Variants in SLC35A3 observed in about 807,000 individuals in gnomAD.
SLC35A3 encodes the protein solute carrier family 35 member A3, also known as UDP-N-acetylglucosamine transporter.
A neutral mutation model predicts 39.0 loss-of-function variants in SLC35A3; 26 were observed. The ratio of observed to expected loss-of-function variants is 0.67; its 90% CI spans 0.49 to 0.92. The LOEUF is 0.92. Ranked by LOEUF, SLC35A3 falls within the 40% of genes least tolerant of loss-of-function variation. The pLI is 0.00. For synonymous variants in SLC35A3, 135 were observed against 133.1 expected (o/e 1.01, Z -0.10); for missense variants, 299 against 371.6 (o/e 0.80, Z 1.61).
At chr1:99,977,384 A>T (rs1156596576) in intron 1 of SLC35A3, among the ~76,000 whole-genome samples, 2 of 150,392 alleles carry the variant, frequency 1.3e-5, no homozygotes, top group African/African-American at 2.4e-5. Context: ...AAAAAAAAAA[A>T]TTAGCTGGGC....
chr1:100,008,716 C>G (rs1659411515), intron 4 of SLC35A3: 1 of 152,208 alleles, frequency 6.6e-6, no homozygotes, highest in African/African-American at 2.4e-5. Context: ...TAAAGTCTGC[C>G]TCTACCAGAA....
chr1:100,015,157 CAAA>C (rs760381564), intron 5 of SLC35A3, 142 bp from the exon 6 acceptor site: 6,398 of 448,354 alleles, frequency 0.014, no homozygotes, highest in South Asian at 0.025. Flanking sequence ...GACTCCGTCT[CAAA>C]AAAAAAAAAA....
Position 100,032,666 on chromosome 1 carries a change from C to T in SLC35A3, c.*10190C>T, listed in dbSNP as rs1201648284. The T allele has an allele frequency of 6.6e-6, 1 of 152,208 alleles. No individual in the cohort carries two copies. The highest frequency in any genetic ancestry group is 1.5e-5 in the Non-Finnish European group (1 of 68,058). 9.4% of individuals were successfully genotyped at this position (152,208 alleles called of 1,614,324 possible). ...GTTCAAATGATTCTCCTTCCTCAGC[C>T]TCCTGAGTAGCTGGGACTATAGGTG... On this transcript the variant is annotated 3_prime_UTR_variant, in exon 8 of 8. Transcript: ENST00000533028.
intron 1 of SLC35A3, among the ~76,000 whole-genome samples, chr1:99,986,731 G>A (rs1354300537): frequency 6.6e-6 from 1 of 151,992 alleles, no homozygotes; most frequent in African/African-American, 2.4e-5. Context: ...GGGACCACAG[G>A]CACAGGCCAC....
intron 3 of SLC35A3, among the ~76,000 whole-genome samples, chr1:100,000,236 G>A (rs554912277): frequency 6.6e-6 from 1 of 152,210 alleles, no homozygotes; most frequent in South Asian, 2.1e-4. Flanking sequence ...ATACTCACCA[G>A]CACTGGTTAT....
chr1:99,974,283 A>G (rs1410015878), intron 1 of SLC35A3, among the ~76,000 whole-genome samples: 1 of 152,180 alleles, frequency 6.6e-6, no homozygotes, highest in Non-Finnish European at 1.5e-5. Flanking sequence ...TAATCACTTT[A>G]TTTGATTTAT....
chr1:100,025,241 A>C lies in SLC35A3; in HGVS notation c.*2765A>C, dbSNP rs1660844254. 6.6e-6 allele frequency: 1 copy of C among 152,280 alleles called. No homozygotes were observed. Among genetic ancestry groups the C allele is most frequent in the Non-Finnish European group, 1.5e-5 (1 of 68,058 alleles). 9.4% of individuals were successfully genotyped at this position (152,280 alleles called of 1,614,324 possible). On this transcript the variant is annotated 3_prime_UTR_variant, in exon 8 of 8. Coordinates refer to ENST00000533028, the MANE Select transcript of SLC35A3 (RefSeq NM_012243.3). Reference sequence around the variant, plus strand: ...TGCAAATGCACAGAATTCAAGCTGAAATATAATGATTTATGTTTAGCTCAC... The same window carrying C: ...TGCAAATGCACAGAATTCAAGCTGACATATAATGATTTATGTTTAGCTCAC...
chr1:100,001,409 A>C (rs1366251435), intron 3 of SLC35A3, among the ~76,000 whole-genome samples: 1 of 151,736 alleles, frequency 6.6e-6, no homozygotes, highest in Non-Finnish European at 1.5e-5. Context: ...TTTCTTGTAG[A>C]GATCTTTTAC....
At chr1:100,017,627 T>C in intron 6 of SLC35A3, 55 bp from the exon 7 acceptor site, 1 of 1,188,418 alleles carries the variant, frequency 8.4e-7, no homozygotes, top group Non-Finnish European at 1.2e-6. Context: ...ACTGAAAGTG[T>C]TTTGAAATGC....
chr1:99,996,252 T>G (rs1658390921), intron 2 of SLC35A3, among the ~76,000 whole-genome samples: 1 of 152,108 alleles, frequency 6.6e-6, no homozygotes, highest in Non-Finnish European at 1.5e-5. Context: ...CATCTGTAAA[T>G]CAAGTCAAGT....
At chr1:99,999,811 C>T (rs953364305) in intron 3 of SLC35A3, among the ~76,000 whole-genome samples, 2 of 145,728 alleles carry the variant, frequency 1.4e-5, no homozygotes, top group African/African-American at 2.5e-5. Flanking sequence ...CCCCCGCTCC[C>T]TTTTTTTTTT....
chr1:99,971,485 T>C (rs1329695056), intron 1 of SLC35A3, among the ~76,000 whole-genome samples: 1 of 152,118 alleles, frequency 6.6e-6, no homozygotes, highest in African/African-American at 2.4e-5. Context: ...TTTTTTGTAT[T>C]TTTAATAGAG....
chr1:100,006,316 C>A (rs1414306345), intron 3 of SLC35A3, among the ~76,000 whole-genome samples: 1 of 152,044 alleles, frequency 6.6e-6, no homozygotes, highest in Non-Finnish European at 1.5e-5. Context: ...TTGGGCCTCC[C>A]AGCAGCTTGT....
At position 100,034,809 on chromosome 1, in the gene SLC35A3, A is replaced by C. The variant is rs1661408778; in HGVS notation, c.*12333A>C. ...CTTTTGGCCACTTGCCTTTCTTTCCAAGGAATCCCACTCCCTTTCAAGGTG... is the reference window on the plus strand; with the variant it reads ...CTTTTGGCCACTTGCCTTTCTTTCCCAGGAATCCCACTCCCTTTCAAGGTG... On this transcript the variant is annotated 3_prime_UTR_variant, in exon 8 of 8. Transcript: ENST00000533028. 6.6e-6 allele frequency: 1 copy of C among 152,150 alleles called. No individual in the cohort carries two copies. The highest frequency in any genetic ancestry group is 1.5e-5 in the Non-Finnish European group (1 of 68,036). The allele number at this position is 152,150 out of a possible 1,614,324, so 9.4% of individuals were successfully genotyped here.
At chr1:99,987,272 G>A (rs940490710) in intron 1 of SLC35A3, among the ~76,000 whole-genome samples, 4 of 152,110 alleles carry the variant, frequency 2.6e-5, no homozygotes, top group Admixed American at 6.6e-5. Flanking sequence ...TACCTCTAAA[G>A]TGCTATAATT....
rs995603229 is a variant in SLC35A3 at position 100,025,591 on chromosome 1, T to C, written c.*3115T>C. 1 of 152,224 alleles carries C rather than the reference T, an allele frequency of 6.6e-6. No individual in the cohort carries two copies. Among genetic ancestry groups the C allele is most frequent in the Non-Finnish European group, 1.5e-5 (1 of 68,024 alleles). The allele number at this position is 152,224 out of a possible 1,614,324, so 9.4% of individuals were successfully genotyped here. Reference sequence around the variant, plus strand: ...AATGTTTATTGGAGATTGGGCTATGTAGTTTATAATTTTTAATTCATAAAA... The same window carrying C: ...AATGTTTATTGGAGATTGGGCTATGCAGTTTATAATTTTTAATTCATAAAA... On this transcript the variant is annotated 3_prime_UTR_variant, in exon 8 of 8. Coordinates refer to ENST00000533028, the MANE Select transcript of SLC35A3 (RefSeq NM_012243.3).
At chr1:99,998,300 G>T (rs752400682) in intron 2 of SLC35A3, among the ~76,000 whole-genome samples, 4 of 151,916 alleles carry the variant, frequency 2.6e-5, no homozygotes, top group Admixed American at 6.6e-5. Context: ...GACTACAGGT[G>T]CATGCCACAA....
intron 1 of SLC35A3, among the ~76,000 whole-genome samples, chr1:99,981,684 C>T (rs141866658): frequency 0.013 from 2,028 of 151,664 alleles, 18 homozygotes; most frequent in Middle Eastern, 0.058. Context: ...TTTTGCCATG[C>T]TGACCAGGCT....
intron 2 of SLC35A3, among the ~76,000 whole-genome samples, chr1:99,995,009 G>A (rs1275204617): frequency 6.6e-6 from 1 of 151,752 alleles, no homozygotes. Context: ...ATTCTAATAG[G>A]TGTGAAGTAG....
Sources: gnomAD v4.1 joint callset for allele counts (sites outside exome capture counted in the v4.1 genomes callset) on GRCh38, gnomAD v4.1.1 for gene constraint, MANE v1.5 for transcripts, NCBI Gene and HGNC (gene_info 2026-07-23, HGNC 2026-07-21) for gene names.